TNNI3K: variants seen among roughly 807,000 people sequenced by gnomAD.
TNNI3K encodes the protein serine/threonine-protein kinase TNNI3K.
In TNNI3K, 140 loss-of-function variants were observed where a neutral mutation model predicts 114.5. That is an observed-to-expected ratio of 1.22 (90% CI 1.07 to 1.41). TNNI3K has a LOEUF of 1.41. TNNI3K is among the 40% of genes most tolerant of loss of function. The pLI is 0.00. For missense variants in TNNI3K, 1,125 were observed against 1,007.6 expected, an observed-to-expected ratio of 1.12 and a Z score of -1.58; for synonymous variants, 347 against 347.5, an observed-to-expected ratio of 1.00 and a Z score of 0.02.
chr1:74,428,245 T>A (rs1326065484), intron 17 of TNNI3K, among the ~76,000 whole-genome samples: 1 of 152,152 alleles, frequency 6.6e-6, no homozygotes, highest in African/African-American at 2.4e-5. Context: ...AGATTATGTT[T>A]AAGATCTGTG....
intron 17 of TNNI3K, among the ~76,000 whole-genome samples, chr1:74,381,404 CTTT>C (rs1037867540): frequency 1.3e-5 from 2 of 152,110 alleles, no homozygotes; most frequent in Admixed American, 6.6e-5. Context: ...TATTTTTCTT[CTTT>C]ATTCTTTCGA....
chr1:74,455,175 C>G (rs1202685746), intron 20 of TNNI3K, among the ~76,000 whole-genome samples: 2 of 152,108 alleles, frequency 1.3e-5, no homozygotes, highest in Non-Finnish European at 2.9e-5. Context: ...AGGATGCTCC[C>G]TGGAAGGGCC....
intron 2 of TNNI3K, among the ~76,000 whole-genome samples, chr1:74,246,169 A>G (rs1654538642): frequency 6.6e-6 from 1 of 152,258 alleles, no homozygotes; most frequent in Non-Finnish European, 1.5e-5. Context: ...TATTTATGGT[A>G]TGGCAGTAAC....
At chr1:74,354,270 T>C in intron 11 of TNNI3K, 141 bp downstream of exon 11, 4 of 1,403,864 alleles carry the variant, frequency 2.8e-6, no homozygotes, top group Admixed American at 2.3e-5. Context: ...TTCTGGGGCC[T>C]TGGATCAAAG....
rs895898159 is a variant in TNNI3K, at chr1:74,478,749, C to T, written c.2122-10440C>T. ...TGAACCCCACCATCTATTGCCTATG[C>T]GTGCATCTGTGTGTTTTTATTGGGA... On this transcript the variant is annotated intron_variant, in intron 21 of 24. Transcript: ENST00000326637. 3.9e-5 allele frequency among the ~76,000 whole-genome samples: 6 copies of T among 152,166 alleles called. No individual in the cohort carries two copies. The East Asian group carries it at 7.7e-4, about 20-fold the overall frequency.
chr1:74,343,803 A>C (rs1179079931), intron 9 of TNNI3K, among the ~76,000 whole-genome samples: 1 of 152,158 alleles, frequency 6.6e-6, no homozygotes, highest in East Asian at 1.9e-4. Context: ...ATAAAAAGAG[A>C]GAAAAAGAAA....
intron 2 of TNNI3K, among the ~76,000 whole-genome samples, chr1:74,242,672 T>A (rs1346687425): frequency 1.3e-5 from 2 of 152,130 alleles, no homozygotes; most frequent in African/African-American, 4.8e-5. Context: ...AAAATAAGAA[T>A]CGTCAACAAC....
In TNNI3K at chr1:74,342,900, C is replaced by G. The variant is rs1353255399; in HGVS notation, c.741C>G (p.His247Gln). 6.2e-7 allele frequency: 1 copy of G among 1,613,820 alleles called. No homozygotes were observed. Among genetic ancestry groups the G allele is most frequent in the African/African-American group, 1.3e-5 (1 of 75,004 alleles). ...TCCATTTCTGTTCTCGATTTGGACA[C>G]CATGATATAGTTAAGTATCTGCTGC... ...VPLHFCSRFG[H>Q]HDIVKYLLQS... is the part of the protein sequence containing the mutation. The change falls in exon 8 of 25, where the codon CAC becomes CAG. Residue 247 changes from histidine to glutamine, a missense_variant. Transcript: ENST00000326637.
chr1:74,416,543 C>G (rs1665123124), intron 17 of TNNI3K: 1 of 985,246 alleles, frequency 1.0e-6, no homozygotes, highest in Non-Finnish European at 1.2e-6. Flanking sequence ...ATCCAAGAAC[C>G]AAATTATAAC....
chr1:74,419,149 G>A (rs931286789), intron 17 of TNNI3K, among the ~76,000 whole-genome samples: 13 of 152,018 alleles, frequency 8.6e-5, no homozygotes, highest in Non-Finnish European at 1.8e-4. Context: ...TCTGTCTAGA[G>A]GCTCTAGGGA....
At chr1:74,245,659 A>T (rs1188572444) in intron 2 of TNNI3K, among the ~76,000 whole-genome samples, 1 of 152,244 alleles carries the variant, frequency 6.6e-6, no homozygotes, top group African/African-American at 2.4e-5. Context: ...AGTTAAGAAC[A>T]TCAAAAGCTA....
chr1:74,296,375 C>T (rs1657985868), intron 5 of TNNI3K, among the ~76,000 whole-genome samples: 1 of 150,650 alleles, frequency 6.6e-6, no homozygotes, highest in East Asian at 1.9e-4. Flanking sequence ...TAAAGTATAC[C>T]TCTCACTTTC....
chr1:74,498,853 T>A (rs1210678662), intron 23 of TNNI3K, among the ~76,000 whole-genome samples: 3 of 152,122 alleles, frequency 2.0e-5, no homozygotes, highest in South Asian at 4.1e-4. Context: ...GTGTGTTTTT[T>A]AAAAAAAATT....
At chr1:74,253,244 C>T (rs1655057995) in intron 4 of TNNI3K, among the ~76,000 whole-genome samples, 1 of 152,190 alleles carries the variant, frequency 6.6e-6, no homozygotes. Flanking sequence ...TCTCCAAGTC[C>T]CCACTAGACT....
chr1:74,305,446 C>G lies in TNNI3K; in HGVS notation c.445-26004C>G, dbSNP rs569365414. Among the ~76,000 whole-genome samples the G allele has an allele frequency of 2.6e-5, 4 of 152,334 alleles. No individual in the cohort carries two copies. The East Asian group carries it at 7.7e-4, about 29-fold the overall frequency. On this transcript the variant is annotated intron_variant, in intron 5 of 24. Transcript: ENST00000326637. ...GCCTCAATGAAAGCCCAGTCAATCC[C>G]ATGAAGAGCTCAGAAACTAGAAAAC...
chr1:74,401,641 A>G (rs1664369692), intron 17 of TNNI3K, among the ~76,000 whole-genome samples: 1 of 152,224 alleles, frequency 6.6e-6, no homozygotes, highest in South Asian at 2.1e-4. Context: ...TGGAGAGGCA[A>G]TTGCTCAAAT....
intron 21 of TNNI3K, chr1:74,475,187 C>A: frequency 1.7e-6 from 1 of 576,436 alleles, no homozygotes; most frequent in Non-Finnish European, 3.1e-6. Context: ...TAGACTAGTG[C>A]TATAGTGATT....
At chr1:74,413,394 C>T (rs932608091) in intron 17 of TNNI3K, among the ~76,000 whole-genome samples, 8 of 152,158 alleles carry the variant, frequency 5.3e-5, no homozygotes, top group Admixed American at 5.2e-4. Context: ...CACACCTCTT[C>T]TTAATCCCAA....
chr1:74,364,200 A>G (rs1207016697), intron 11 of TNNI3K, among the ~76,000 whole-genome samples: 2 of 151,630 alleles, frequency 1.3e-5, no homozygotes, highest in Non-Finnish European at 2.9e-5. Flanking sequence ...AATAGGGGTC[A>G]TGCTATGTTG....
Sources: allele counts gnomAD v4.1 joint callset (sites outside exome capture counted in the v4.1 genomes callset), GRCh38; gene constraint gnomAD v4.1.1; transcripts MANE v1.5; gene names NCBI Gene and HGNC (gene_info 2026-07-23, HGNC 2026-07-21).